HECW2: variants seen among roughly 807,000 people sequenced by gnomAD.
The protein encoded by HECW2 is HECT, C2 and WW domain containing E3 ubiquitin protein ligase 2.
HECW2 carries 61 observed loss-of-function variants against 175.2 expected under a neutral mutation model. The ratio of observed to expected loss-of-function variants is 0.35; its 90% CI spans 0.28 to 0.43. The LOEUF is 0.43. Among genes scored for constraint, HECW2 ranks in the 20% least tolerant of loss-of-function variants. The pLI is 1.00. For synonymous variants in HECW2, 671 were observed against 731.0 expected, an observed-to-expected ratio of 0.92 and a Z score of 1.32; for missense variants, 1,524 against 2,000.5, an observed-to-expected ratio of 0.76 and a Z score of 4.54.
intron 17 of HECW2, among the ~76,000 whole-genome samples, chr2:196,267,038 T>C (rs753034626): frequency 8.5e-5 from 13 of 152,084 alleles, no homozygotes; most frequent in Non-Finnish European, 1.5e-4. Flanking sequence ...AATGAAAAAA[T>C]TATCACAGAT....
At chr2:196,243,395 G>A (rs1026570734) in intron 19 of HECW2, among the ~76,000 whole-genome samples, 5 of 151,940 alleles carry the variant, frequency 3.3e-5, no homozygotes, top group Admixed American at 6.6e-5. Context: ...TTGAACTCCC[G>A]ACCTCAGGTA....
intron 1 of HECW2, among the ~76,000 whole-genome samples, chr2:196,463,046 G>GT (rs1242373660): frequency 2.6e-5 from 4 of 152,140 alleles, no homozygotes; most frequent in Non-Finnish European, 4.4e-5. Context: ...AATTTAACTT[G>GT]TAAGTTCTGT....
intron 19 of HECW2, among the ~76,000 whole-genome samples, chr2:196,251,280 C>T (rs1688843886): frequency 6.6e-6 from 1 of 152,214 alleles, no homozygotes; most frequent in African/African-American, 2.4e-5. Context: ...TGTTGGCTCT[C>T]TTTCTTTCAC....
At chr2:196,402,094 G>A (rs1219024712) in intron 2 of HECW2, among the ~76,000 whole-genome samples, 2 of 151,334 alleles carry the variant, frequency 1.3e-5, no homozygotes, top group African/African-American at 4.9e-5. Context: ...CCAGCTACTC[G>A]GGAGGCTGAG....
At chr2:196,388,362 G>A (rs943805722) in intron 2 of HECW2, among the ~76,000 whole-genome samples, 2 of 152,000 alleles carry the variant, frequency 1.3e-5, no homozygotes, top group Admixed American at 6.5e-5. Flanking sequence ...GTTTTTTCAT[G>A]GCTTTCTTTA....
At chr2:196,273,961 T>A (rs1470086120) in intron 16 of HECW2, 60 bp downstream of exon 16, 5 of 1,221,994 alleles carry the variant, frequency 4.1e-6, no homozygotes, top group Non-Finnish European at 6.0e-6. Flanking sequence ...ATCAGCACAG[T>A]GTACATGGTA....
At chr2:196,351,371 T>G (rs1432040055) in intron 2 of HECW2, among the ~76,000 whole-genome samples, 1 of 152,102 alleles carries the variant, frequency 6.6e-6, no homozygotes, top group Non-Finnish European at 1.5e-5. Flanking sequence ...TTTAAGATAA[T>G]AAGAGAATAT....
intron 2 of HECW2, among the ~76,000 whole-genome samples, chr2:196,425,362 G>A (rs1448347900): frequency 5.3e-5 from 8 of 152,028 alleles, no homozygotes; most frequent in Non-Finnish European, 1.0e-4. Flanking sequence ...TGAATTTCAA[G>A]TCTTATTATT....
At chr2:196,506,241 C>T (rs1303322737) in intron 1 of HECW2, among the ~76,000 whole-genome samples, 1 of 152,074 alleles carries the variant, frequency 6.6e-6, no homozygotes, top group East Asian at 1.9e-4. Context: ...GTGGATTTCA[C>T]CAAGGCTTTG....
chr2:196,328,547 C>T (rs564477614), intron 5 of HECW2, among the ~76,000 whole-genome samples: 4 of 152,260 alleles, frequency 2.6e-5, no homozygotes, highest in African/African-American at 7.2e-5. Context: ...GGTAATTATG[C>T]TTTGTGGAAT....
intron 1 of HECW2, among the ~76,000 whole-genome samples, chr2:196,478,940 G>A (rs764249558): frequency 3.3e-5 from 5 of 152,130 alleles, no homozygotes; most frequent in Non-Finnish European, 5.9e-5. Context: ...GAGGCCAAGC[G>A]GCACTCATTA....
At chr2:196,437,238 A>G (rs1348821421) in intron 1 of HECW2, among the ~76,000 whole-genome samples, 1 of 152,144 alleles carries the variant, frequency 6.6e-6, no homozygotes, top group South Asian at 2.1e-4. Flanking sequence ...ACCAAGGAAG[A>G]GTACTGGGAG....
chr2:196,352,553 T>C (rs1693210439), intron 2 of HECW2, among the ~76,000 whole-genome samples: 1 of 151,514 alleles, frequency 6.6e-6, no homozygotes, highest in Middle Eastern at 3.4e-3. Context: ...AGAGAGATGT[T>C]TTATTGCTGT....
At chr2:196,395,777 T>C (rs982063218) in intron 2 of HECW2, among the ~76,000 whole-genome samples, 1 of 152,084 alleles carries the variant, frequency 6.6e-6, no homozygotes, top group African/African-American at 2.4e-5. Context: ...TGTGCATTGC[T>C]GGTAGAATGT....
At chr2:196,520,967 A>G (rs1688348032) in intron 1 of HECW2, among the ~76,000 whole-genome samples, 1 of 152,232 alleles carries the variant, frequency 6.6e-6, no homozygotes. Context: ...AGAAGAAAGT[A>G]GATGCTTAAA....
intron 28 of HECW2, among the ~76,000 whole-genome samples, chr2:196,204,887 C>T (rs913359160): frequency 2.6e-5 from 4 of 152,172 alleles, no homozygotes; most frequent in Non-Finnish European, 5.9e-5. Context: ...GAAACAGGAA[C>T]TTTGAATGTC....
chr2:196,516,503 TTG>T (rs1168876834), intron 1 of HECW2, among the ~76,000 whole-genome samples: 4 of 152,258 alleles, frequency 2.6e-5, no homozygotes, highest in Admixed American at 1.3e-4. Context: ...TGAAATTTAA[TTG>T]TGTCTGTTGA....
chr2:196,242,363 C>T (rs1031385758), intron 19 of HECW2, 159 bp from the exon 20 acceptor site: 114 of 843,350 alleles, frequency 1.4e-4, no homozygotes, highest in South Asian at 6.4e-4. Flanking sequence ...ATATAACAAA[C>T]CTCAACCAAG....
intron 2 of HECW2, among the ~76,000 whole-genome samples, chr2:196,430,508 A>G (rs1021783875): frequency 6.6e-6 from 1 of 152,234 alleles, no homozygotes; most frequent in African/African-American, 2.4e-5. Context: ...TAAAGTAGCT[A>G]TATTCAATTC....
Sources: gnomAD v4.1 joint callset for allele counts (sites outside exome capture counted in the v4.1 genomes callset) on GRCh38, gnomAD v4.1.1 for gene constraint, MANE v1.5 for transcripts, NCBI Gene and HGNC (gene_info 2026-07-23, HGNC 2026-07-21) for gene names.